Variants in CAPN14 observed in about 807,000 individuals in gnomAD.
CAPN14 encodes the protein calpain 14, also known as calpain-14.
A neutral mutation model predicts 101.3 loss-of-function variants in CAPN14; 94 were observed. The ratio of observed to expected loss-of-function variants is 0.93; its 90% CI spans 0.79 to 1.10. The LOEUF (loss-of-function observed/expected upper bound fraction) is 1.10, where lower values mean the gene tolerates loss of function less well. Among genes scored for constraint, CAPN14 ranks in the 50% least tolerant of loss-of-function variants. The pLI, the probability that CAPN14 is intolerant of heterozygous loss-of-function variation, is 0.00. For synonymous variants in CAPN14, 338 were observed against 317.9 expected (o/e 1.06, Z -0.67); for missense variants, 837 against 828.4 (o/e 1.01, Z -0.13).
chr2:31,195,962 C>A (rs914097290), intron 8 of CAPN14, among the ~76,000 whole-genome samples: 1 of 151,786 alleles, frequency 6.6e-6, no homozygotes, highest in African/African-American at 2.4e-5. Flanking sequence ...CCATAGAAAC[C>A]ACCGTAGAAA....
chr2:31,191,523 G>C, intron 11 of CAPN14, 116 bp from the exon 12 acceptor site: 1 of 997,790 alleles, frequency 1.0e-6, no homozygotes, highest in Non-Finnish European at 1.5e-6. Context: ...GATATACAAG[G>C]CTCTACCCAG....
At chr2:31,226,022 C>A (rs541631786) in intron 2 of CAPN14, among the ~76,000 whole-genome samples, 3 of 152,028 alleles carry the variant, frequency 2.0e-5, no homozygotes, top group Non-Finnish European at 2.9e-5. Context: ...ATTTAAATGG[C>A]ATAATACTAA....
At chr2:31,223,379 C>G (rs185277494) in intron 2 of CAPN14, among the ~76,000 whole-genome samples, 1 of 152,290 alleles carries the variant, frequency 6.6e-6, no homozygotes, top group East Asian at 1.9e-4. Context: ...TCACACAGCA[C>G]AGTTTAGGGT....
intron 1 of CAPN14, among the ~76,000 whole-genome samples, chr2:31,215,438 A>G (rs972437647): frequency 6.6e-6 from 1 of 152,124 alleles, no homozygotes. Context: ...CTCAAGTCCA[A>G]ATGGCCAGGC....
chr2:31,196,245 C>G (rs1032708916), intron 8 of CAPN14, among the ~76,000 whole-genome samples: 1 of 152,218 alleles, frequency 6.6e-6, no homozygotes, highest in Non-Finnish European at 1.5e-5. Context: ...GTTGCCTAAA[C>G]TAAGATCACA....
At chr2:31,205,582 A>C in intron 1 of CAPN14, 83 bp from the exon 2 acceptor site, 1 of 741,554 alleles carries the variant, frequency 1.3e-6, no homozygotes, top group African/African-American at 1.8e-5. Context: ...AAGGATGGAG[A>C]GAATGGGAGC....
At chr2:31,197,646 C>T (rs765457196) in intron 7 of CAPN14, among the ~76,000 whole-genome samples, 60 of 152,220 alleles carry the variant, frequency 3.9e-4, no homozygotes, top group African/African-American at 5.5e-4. Flanking sequence ...TGAACATGAC[C>T]CTATTTGGAA....
At chr2:31,204,336 G>T (rs919355078) in intron 2 of CAPN14, among the ~76,000 whole-genome samples, 1 of 152,186 alleles carries the variant, frequency 6.6e-6, no homozygotes, top group Non-Finnish European at 1.5e-5. Context: ...CATTTGCTCA[G>T]TTTTCTGACA....
chr2:31,193,424 G>A (rs1044818977), intron 9 of CAPN14, 130 bp from the exon 10 acceptor site: 5 of 885,418 alleles, frequency 5.6e-6, no homozygotes, highest in Non-Finnish European at 8.5e-6. Flanking sequence ...CAGCTCTTGT[G>A]CAGAGCTGAG....
intron 2 of CAPN14, among the ~76,000 whole-genome samples, chr2:31,225,968 C>T (rs1440944519): frequency 2.0e-5 from 3 of 151,808 alleles, no homozygotes; most frequent in Non-Finnish European, 4.4e-5. Context: ...TAAGGGAGGG[C>T]GACTATTCAT....
chr2:31,205,359 A>G lies in CAPN14; in HGVS notation c.89T>C (p.Phe30Ser). The G allele has an allele frequency of 1.3e-6, 2 of 1,551,480 alleles. No individual in the cohort carries two copies. Among genetic ancestry groups the G allele is most frequent in the Non-Finnish European group, 1.7e-6 (2 of 1,146,974 alleles). Residue 30 changes from phenylalanine (F) to serine (S), a missense_variant, in exon 2 of 22, where the codon TTT becomes TCT. Transcript: ENST00000403897. ...RASPQQPQQD[F>S]EALLAECLRN... ...CAGGCACTCTGCCAGCAGGGCCTCA[A>G]AGTCCTGTTGGGGTTGCTGTGGAGA...
intron 1 of CAPN14, among the ~76,000 whole-genome samples, chr2:31,216,120 A>G (rs942524777): frequency 6.6e-6 from 1 of 152,252 alleles, no homozygotes; most frequent in Non-Finnish European, 1.5e-5. Flanking sequence ...CAAGAATTAC[A>G]TGCTGCAATA....
intron 6 of CAPN14, 96 bp from the exon 7 acceptor site, chr2:31,199,628 G>A: frequency 2.1e-6 from 2 of 954,458 alleles, no homozygotes; most frequent in East Asian, 2.6e-5. Context: ...GGGGTTTATG[G>A]AGAGAAGTGT....
In CAPN14 at chr2:31,188,227, C is replaced by T; in HGVS notation, c.1530+91G>A. On this transcript the variant is annotated intron_variant, in intron 14 of 21. Coordinates refer to ENST00000403897, the MANE Select transcript of CAPN14 (RefSeq NM_001145122.2). ...AGGGTCTGTAAGGATCCGCATATCT[C>T]CTCCCCTGACTCCTTAACTTGAAGG... The T allele has an allele frequency of 2.7e-6, 3 of 1,117,288 alleles. No individual in the cohort carries two copies. In the South Asian group the frequency reaches 4.0e-5, roughly 15 times the overall value. The allele number at this position is 1,117,288 out of a possible 1,614,324, so 69.2% of individuals were successfully genotyped here. A position where few individuals can be genotyped will look rare whatever the true frequency, so the allele number is the denominator to read the frequency against.
chr2:31,220,755 G>A (rs1477054125), upstream of CAPN14, among the ~76,000 whole-genome samples: 1 of 152,152 alleles, frequency 6.6e-6, no homozygotes, highest in Non-Finnish European at 1.5e-5. Context: ...CTTGAACCAG[G>A]GAGGCAGAGG....
At position 31,193,113 on chromosome 2, in the gene CAPN14, T is replaced by C. The variant is rs1225645143; in HGVS notation, c.1114+18A>G. On this transcript the variant is annotated intron_variant, in intron 10 of 21. Coordinates refer to ENST00000403897, the MANE Select transcript of CAPN14 (RefSeq NM_001145122.2). ...CACAACCTCACCCTGAGAGCCCTGC[T>C]CCTGTGCACATGCTCACCCTGCAGC... The C allele has an allele frequency of 6.5e-7, 1 of 1,546,032 alleles. No homozygotes were observed. Among genetic ancestry groups the C allele is most frequent in the South Asian group, 1.2e-5 (1 of 83,930 alleles).
At position 31,230,909 on chromosome 2, in the gene CAPN14, T is replaced by C. The variant is rs145961382; in HGVS notation, c.-177+2882A>G. ...AACTCTTCCTGACTTTGTGGTGATA[T>C]ATATGCAATCTCTATTGCAACTTCT... On this transcript the variant is annotated intron_variant and NMD_transcript_variant, in intron 1 of 21. Transcript: ENST00000398824. This position sits in a 1 kb window ranked among gnomAD's most constrained non-coding sequence, Gnocchi z 4.3. 9.1e-4 allele frequency among the ~76,000 whole-genome samples: 138 copies of C among 152,366 alleles called. No individual in the cohort carries two copies. Among genetic ancestry groups the C allele is most frequent in the Non-Finnish European group, 1.7e-3 (114 of 68,040 alleles).
At chr2:31,192,824 C>T (rs2088507857) in intron 10 of CAPN14, among the ~76,000 whole-genome samples, 1 of 152,140 alleles carries the variant, frequency 6.6e-6, no homozygotes, top group Non-Finnish European at 1.5e-5. Flanking sequence ...CTCCCTTGCC[C>T]CTGCTTTTAT....
intron 1 of CAPN14, among the ~76,000 whole-genome samples, chr2:31,229,774 A>G (rs1182986142): frequency 2.0e-5 from 3 of 151,408 alleles, no homozygotes; most frequent in Non-Finnish European, 4.4e-5. Context: ...CCCCAATTCC[A>G]TTTCCCTTTT....
Sources: allele counts gnomAD v4.1 joint callset (sites outside exome capture counted in the v4.1 genomes callset), GRCh38; gene constraint gnomAD v4.1.1; non-coding constraint Gnocchi (gnomAD v3.1); transcripts MANE v1.5; gene names NCBI Gene and HGNC (gene_info 2026-07-23, HGNC 2026-07-21).